The following VTA1 variants were observed in gnomAD, a reference collection of about 807,000 sequenced individuals.
VTA1 encodes vacuolar protein sorting-associated protein VTA1 homolog.
Under a neutral mutation model 36.9 loss-of-function variants are expected in VTA1, and 24 were observed. That is an observed-to-expected ratio of 0.65 (90% CI 0.47 to 0.91). VTA1 has a LOEUF of 0.91. VTA1 is among the 40% of genes least tolerant of loss of function. VTA1 has a pLI of 0.00. For synonymous variants in VTA1, 142 were observed against 130.2 expected, an observed-to-expected ratio of 1.09 and a Z score of -0.62; for missense variants, 393 against 377.2, an observed-to-expected ratio of 1.04 and a Z score of -0.35.
chr6:142,182,855 C>T (rs897579209), intron 4 of VTA1, among the ~76,000 whole-genome samples: 2 of 152,126 alleles, frequency 1.3e-5, no homozygotes, highest in African/African-American at 2.4e-5. Flanking sequence ...AAGGGTGGTA[C>T]ATTTAAAGCC....
At chr6:142,210,179 T>G (rs1775874742) in intron 7 of VTA1, among the ~76,000 whole-genome samples, 1 of 152,196 alleles carries the variant, frequency 6.6e-6, no homozygotes, top group African/African-American at 2.4e-5. Context: ...GGACAATTTT[T>G]TCAATAAATA....
At chr6:142,147,981 T>C (rs948520369) in intron 1 of VTA1, among the ~76,000 whole-genome samples, 14 of 152,194 alleles carry the variant, frequency 9.2e-5, no homozygotes, top group Non-Finnish European at 1.5e-4. Context: ...TAATACCCGC[T>C]GTTGAGACCT....
chr6:142,162,651 ATGC>A (rs1774833047), intron 1 of VTA1, among the ~76,000 whole-genome samples: 1 of 152,158 alleles, frequency 6.6e-6, no homozygotes, highest in East Asian at 1.9e-4. Context: ...TGCTGCTTGG[ATGC>A]AGATATAGAG....
Position 142,218,504 on chromosome 6 carries a change from T to G in VTA1, c.785T>G (p.Val262Gly). The change falls in exon 8 of 8, where the codon GTT becomes GGT. Residue 262 changes from valine to glycine, a missense_variant. Transcript: ENST00000367630. Reference protein sequence around the residue: ...ALFNTISQGDVRLTPEDFARA... With the variant: ...ALFNTISQGDGRLTPEDFARA... ...ATTGTTCTTTTTCTTCTAGGGGATG[T>G]TCGTCTAACCCCAGAAGACTTTGCT... is the stretch of plus-strand genomic sequence containing the variant. 1 of 1,612,938 alleles carries G rather than the reference T, an allele frequency of 6.2e-7. No homozygotes were observed. Among genetic ancestry groups the G allele is most frequent in the Non-Finnish European group, 8.5e-7 (1 of 1,179,542 alleles).
At position 142,200,026 on chromosome 6, in the gene VTA1, C is replaced by CAGACATA. The variant is rs1197982877; in HGVS notation, c.697+1416_697+1417insTAAGACA. Among the ~76,000 whole-genome samples, 13 of 152,194 alleles carry CAGACATA rather than the reference C, an allele frequency of 8.5e-5. No homozygotes were observed. In the East Asian group the frequency reaches 1.9e-3, roughly 23 times the overall value. ...AGGTTGAAATCCTGATCAAGAGTCC[C>CAGACATA]AGACACAAGCATTCTCATAGAGGAG... On this transcript the variant is annotated intron_variant, in intron 6 of 7. Transcript: ENST00000367630.
intron 4 of VTA1, among the ~76,000 whole-genome samples, chr6:142,178,249 A>T (rs1186241587): frequency 6.6e-6 from 1 of 152,100 alleles, no homozygotes; most frequent in African/African-American, 2.4e-5. Flanking sequence ...CTCATTTTTT[A>T]AAAAATTGGA....
At chr6:142,150,601 G>T (rs1473098059) in intron 1 of VTA1, among the ~76,000 whole-genome samples, 1 of 152,162 alleles carries the variant, frequency 6.6e-6, no homozygotes, top group African/African-American at 2.4e-5. Flanking sequence ...AATTACCCAT[G>T]TTAGTGAAGC....
intron 1 of VTA1, among the ~76,000 whole-genome samples, chr6:142,150,450 T>C (rs1324324110): frequency 6.6e-6 from 1 of 152,206 alleles, no homozygotes; most frequent in Admixed American, 6.5e-5. Context: ...TATCTTTTCC[T>C]ACATCCTGTT....
chr6:142,198,157 GTGTGTGTA>G (rs376461862), intron 5 of VTA1, among the ~76,000 whole-genome samples: 17,868 of 137,554 alleles, frequency 0.13, 1,509 homozygotes, highest in Middle Eastern at 0.32. Context: ...GTGTGTGTGT[GTGTGTGTA>G]TATGTGTGTA....
intron 7 of VTA1, among the ~76,000 whole-genome samples, chr6:142,205,342 T>G (rs574636964): frequency 6.6e-6 from 1 of 152,350 alleles, no homozygotes; most frequent in Non-Finnish European, 1.5e-5. Flanking sequence ...TCTGTGTTAC[T>G]TTATCATTTC....
chr6:142,159,055 A>T (rs1381629474), intron 1 of VTA1, among the ~76,000 whole-genome samples: 3 of 152,128 alleles, frequency 2.0e-5, no homozygotes, highest in African/African-American at 7.2e-5. Context: ...ACTCATCAAG[A>T]TCCAAGTTTT....
At chr6:142,189,380 C>A in intron 4 of VTA1, 46 bp from the exon 5 acceptor site, 1 of 1,449,718 alleles carries the variant, frequency 6.9e-7, no homozygotes, top group South Asian at 1.2e-5. Flanking sequence ...TTACTTTTTA[C>A]TTCTTTACCA....
intron 1 of VTA1, 36 bp downstream of exon 1, chr6:142,147,435 C>G: frequency 6.3e-7 from 1 of 1,595,260 alleles, no homozygotes; most frequent in South Asian, 1.1e-5. Flanking sequence ...CTTTCTTTCC[C>G]AGTTGCATTT....
intron 5 of VTA1, among the ~76,000 whole-genome samples, chr6:142,195,639 A>T (rs1293657276): frequency 9.9e-5 from 9 of 90,628 alleles, no homozygotes; most frequent in African/African-American, 4.0e-5. Flanking sequence ...GGAAATGTAG[A>T]TCTTTGATCT....
rs920549269 is a variant in VTA1, at chr6:142,224,075, C to T, written c.*5432C>T. 6.6e-6 allele frequency: 1 copy of T among 151,980 alleles called. No homozygotes were observed. Among genetic ancestry groups the T allele is most frequent in the Non-Finnish European group, 1.5e-5 (1 of 68,032 alleles). The allele number at this position is 151,980 out of a possible 1,614,324, so 9.4% of individuals were successfully genotyped here. A position where few individuals can be genotyped will look rare whatever the true frequency, so the allele number is the denominator to read the frequency against. ...GTGTGTCTGTGTTCAGAGGCAGGTC[C>T]CATAGGGAGGCAATTAAGGTTACAT... is the stretch of plus-strand genomic sequence containing the variant. On this transcript the variant is annotated 3_prime_UTR_variant, in exon 8 of 8. Coordinates refer to ENST00000367630, the MANE Select transcript of VTA1 (RefSeq NM_016485.5).
At chr6:142,205,256 A>C (rs1775768340) in intron 7 of VTA1, among the ~76,000 whole-genome samples, 1 of 152,072 alleles carries the variant, frequency 6.6e-6, no homozygotes, top group South Asian at 2.1e-4. Context: ...ATGCTCTTTA[A>C]ATCTCTTGTC....
intron 3 of VTA1, among the ~76,000 whole-genome samples, 161 bp downstream of exon 3, chr6:142,169,838 C>T (rs1027157512): frequency 6.6e-6 from 1 of 151,956 alleles, no homozygotes; most frequent in African/African-American, 2.4e-5. Context: ...CAAATTCGGG[C>T]CTTTCTCTTA....
At chr6:142,198,678 T>G in intron 6 of VTA1, 63 bp downstream of exon 6, 1 of 1,463,494 alleles carries the variant, frequency 6.8e-7, no homozygotes. Flanking sequence ...CTGCATTTCT[T>G]ATCACATATG....
chr6:142,176,700 A>C (rs898102832), intron 4 of VTA1, among the ~76,000 whole-genome samples: 1 of 152,160 alleles, frequency 6.6e-6, no homozygotes, highest in South Asian at 2.1e-4. Context: ...TTAAAAAGGC[A>C]TACAGATAGA....
Sources: allele counts gnomAD v4.1 joint callset (sites outside exome capture counted in the v4.1 genomes callset), GRCh38; gene constraint gnomAD v4.1.1; transcripts MANE v1.5; gene names NCBI Gene and HGNC (gene_info 2026-07-23, HGNC 2026-07-21).